Variants in ZFHX3 observed in about 807,000 individuals in gnomAD.
ZFHX3 encodes zinc finger homeobox 3.
ZFHX3 carries 42 observed loss-of-function variants against 279.1 expected under a neutral mutation model. The observed-to-expected ratio is 0.15, with a 90% CI of 0.12 to 0.19. The LOEUF (loss-of-function observed/expected upper bound fraction) is 0.19. ZFHX3 is among the 10% of genes least tolerant of loss of function. The probability of loss-of-function intolerance (pLI) is 1.00; values close to 1 mark genes in which losing one functional copy is unlikely to be tolerated. For synonymous variants in ZFHX3, 2,293 were observed against 1,957.8 expected, an observed-to-expected ratio of 1.17 and a Z score of -4.52; for missense variants, 4,981 against 4,754.0, an observed-to-expected ratio of 1.05 and a Z score of -1.40.
intron 4 of ZFHX3, among the ~76,000 whole-genome samples, chr16:72,863,501 G>C (rs1395734230): frequency 6.6e-6 from 1 of 151,044 alleles, no homozygotes; most frequent in Admixed American, 6.6e-5. Context: ...TTGGGTGACA[G>C]AGACAGAGAG....
At chr16:73,600,870 CT>C (rs2052106980) in intron 2 of ZFHX3, among the ~76,000 whole-genome samples, 1 of 152,136 alleles carries the variant, frequency 6.6e-6, no homozygotes, top group African/African-American at 2.4e-5. Flanking sequence ...CACCACTGCC[CT>C]GAACATGGGG....
intron 7 of ZFHX3, among the ~76,000 whole-genome samples, chr16:73,112,877 C>G (rs904819669): frequency 6.6e-6 from 1 of 151,978 alleles, no homozygotes; most frequent in Non-Finnish European, 1.5e-5. Context: ...CCTGGCTGAC[C>G]AGGTGAGCGG....
intron 5 of ZFHX3, among the ~76,000 whole-genome samples, chr16:73,177,169 A>ACCAG (rs1357542641): frequency 7.1e-6 from 1 of 140,076 alleles, no homozygotes; most frequent in East Asian, 2.3e-4. Context: ...CAACCAACCA[A>ACCAG]CCAGCCAACC....
chr16:73,096,053 G>T (rs1966158193), intron 7 of ZFHX3, among the ~76,000 whole-genome samples: 1 of 152,134 alleles, frequency 6.6e-6, no homozygotes, highest in Admixed American at 6.6e-5. Flanking sequence ...GTGGAGAGGG[G>T]CCTGGAGATG....
At chr16:73,177,590 G>A (rs1236899963) in intron 5 of ZFHX3, among the ~76,000 whole-genome samples, 1 of 152,160 alleles carries the variant, frequency 6.6e-6, no homozygotes, top group Non-Finnish European at 1.5e-5. Context: ...CAGAACACTG[G>A]CATACAGCCA....
intron 3 of ZFHX3, among the ~76,000 whole-genome samples, chr16:73,358,509 G>T (rs769435517): frequency 2.6e-4 from 40 of 152,172 alleles, no homozygotes; most frequent in Non-Finnish European, 5.1e-4. Flanking sequence ...AGATGATGGC[G>T]GCCCTGGCTG....
At chr16:72,998,836 C>T (rs932239909) in intron 1 of ZFHX3, among the ~76,000 whole-genome samples, 1 of 152,234 alleles carries the variant, frequency 6.6e-6, no homozygotes, top group Non-Finnish European at 1.5e-5. Flanking sequence ...CTGGAGTTAA[C>T]AGATTTTCAC....
At chr16:73,006,070 A>C (rs1352990528) in intron 1 of ZFHX3, 1 of 152,222 alleles carries the variant, frequency 6.6e-6, no homozygotes, top group African/African-American at 2.4e-5. Context: ...ATCTGGAAAT[A>C]ATTTTCTTTG....
chr16:73,177,140 C>T (rs1967683143), intron 5 of ZFHX3, among the ~76,000 whole-genome samples: 1 of 151,344 alleles, frequency 6.6e-6, no homozygotes. Context: ...GGCAACAGAG[C>T]AAGACTCCGT....
chr16:73,502,091 A>G (rs1258976707), intron 2 of ZFHX3, among the ~76,000 whole-genome samples: 2 of 152,252 alleles, frequency 1.3e-5, no homozygotes, highest in East Asian at 3.9e-4. Flanking sequence ...TACAGCATTA[A>G]AAGTTACTAA....
intron 1 of ZFHX3, among the ~76,000 whole-genome samples, chr16:73,766,550 T>C (rs1365681673): frequency 2.0e-5 from 3 of 152,140 alleles, no homozygotes; most frequent in African/African-American, 4.8e-5. Flanking sequence ...CAAGTATCAA[T>C]GGGAATAAAG....
intron 7 of ZFHX3, among the ~76,000 whole-genome samples, chr16:73,122,267 G>A (rs148769478): frequency 0.011 from 1,629 of 151,600 alleles, 24 homozygotes; most frequent in African/African-American, 0.037. Flanking sequence ...GTGCAGTGAC[G>A]CAATCTCGGC....
intron 8 of ZFHX3, among the ~76,000 whole-genome samples, chr16:73,085,984 G>GC (rs1394586798): frequency 2.0e-5 from 1 of 50,374 alleles, no homozygotes; most frequent in Non-Finnish European, 3.4e-5. Flanking sequence ...CAACTCAATT[G>GC]CAAAAAAAAA....
chr16:73,313,395 A>G (rs2015372799), intron 4 of ZFHX3, among the ~76,000 whole-genome samples: 1 of 152,198 alleles, frequency 6.6e-6, no homozygotes, highest in African/African-American at 2.4e-5. Context: ...TCATCATCAC[A>G]ACCACAGCTG....
intron 4 of ZFHX3, among the ~76,000 whole-genome samples, chr16:72,867,162 A>C (rs1025912845): frequency 1.3e-5 from 2 of 152,150 alleles, no homozygotes; most frequent in Non-Finnish European, 2.9e-5. Flanking sequence ...CCTCAACCCC[A>C]CAGGAAGCTG....
intron 6 of ZFHX3, among the ~76,000 whole-genome samples, chr16:73,133,752 C>T (rs9937081): frequency 0.024 from 3,677 of 152,244 alleles, 152 homozygotes; most frequent in African/African-American, 0.085. Context: ...GGGTTCCTGT[C>T]CACCAATTTC....
chr16:73,447,373 C>T (rs568020373), intron 3 of ZFHX3, among the ~76,000 whole-genome samples: 11 of 152,106 alleles, frequency 7.2e-5, no homozygotes, highest in East Asian at 5.8e-4. Flanking sequence ...TGTACCACAA[C>T]GCTGCTTTTA....
chr16:73,804,505 G>A (rs1960221398), intron 1 of ZFHX3, among the ~76,000 whole-genome samples: 1 of 152,146 alleles, frequency 6.6e-6, no homozygotes, highest in Admixed American at 6.5e-5. Context: ...TGAAAGAGGT[G>A]TAATTTCAGG....
chr16:73,047,281 A>T (rs1346851220), intron 1 of ZFHX3, among the ~76,000 whole-genome samples: 1 of 152,080 alleles, frequency 6.6e-6, no homozygotes, highest in Non-Finnish European at 1.5e-5. Flanking sequence ...AAAAAACTAA[A>T]ATTAGAGGGT....
Sources: allele counts gnomAD v4.1 joint callset (sites outside exome capture counted in the v4.1 genomes callset), GRCh38; gene constraint gnomAD v4.1.1; transcripts MANE v1.5; gene names NCBI Gene and HGNC (gene_info 2026-07-23, HGNC 2026-07-21).